The following AHRR variants were observed in gnomAD, a reference collection of about 807,000 sequenced individuals.
AHRR encodes the protein aryl hydrocarbon receptor repressor.
A neutral mutation model predicts 44.0 loss-of-function variants in AHRR; 28 were observed. The observed-to-expected ratio is 0.64, with a 90% confidence interval of 0.47 to 0.87. AHRR has a LOEUF of 0.87. AHRR is among the 40% of genes least tolerant of loss of function. The pLI is 0.00. For missense variants in AHRR, 990 were observed against 953.9 expected (o/e 1.04, Z -0.50); for synonymous variants, 434 against 407.0 (o/e 1.07, Z -0.80).
At chr5:340,381 G>A (rs980408613) in intron 1 of AHRR, among the ~76,000 whole-genome samples, 1 of 151,776 alleles carries the variant, frequency 6.6e-6, no homozygotes, top group East Asian at 1.9e-4. Flanking sequence ...TGTTCTGGAG[G>A]CTGGGAAGTC....
chr5:343,759 G>C (rs2126362537), intron 1 of AHRR, 134 bp from the exon 2 acceptor site: 1 of 812,312 alleles, frequency 1.2e-6, no homozygotes, highest in African/African-American at 1.8e-5. Flanking sequence ...CCCACGAGGA[G>C]GAGCAGGAGG....
intron 5 of AHRR, chr5:421,258 G>C: frequency 1.4e-6 from 1 of 697,864 alleles, no homozygotes; most frequent in East Asian, 2.7e-5. Flanking sequence ...CCACGGAGCG[G>C]ATGCCGTGTG....
At chr5:424,511 G>T (rs2126536547) in intron 7 of AHRR, among the ~76,000 whole-genome samples, 1 of 152,276 alleles carries the variant, frequency 6.6e-6, no homozygotes, top group African/African-American at 2.4e-5. Flanking sequence ...CGGCGATGGT[G>T]TGGGGCTGTG....
intron 2 of AHRR, among the ~76,000 whole-genome samples, chr5:347,854 C>G (rs1269052787): frequency 6.6e-6 from 1 of 152,190 alleles, no homozygotes; most frequent in African/African-American, 2.4e-5. Context: ...GGTGGGGGCC[C>G]CCTCCGCTCT....
chr5:424,385 C>T (rs142960535), intron 7 of AHRR, among the ~76,000 whole-genome samples: 2,254 of 58,034 alleles, frequency 0.039, 3 homozygotes, highest in Non-Finnish European at 0.064. Context: ...CCCATGTGTC[C>T]CTGGTGGGGG....
At chr5:393,206 C>A (rs1036559886) in intron 4 of AHRR, among the ~76,000 whole-genome samples, 2 of 152,252 alleles carry the variant, frequency 1.3e-5, no homozygotes, top group Non-Finnish European at 2.9e-5. Context: ...GATGTTCCCC[C>A]AGCAGGGCCT....
chr5:368,888 C>T (rs1304150074), intron 3 of AHRR, among the ~76,000 whole-genome samples: 2 of 152,244 alleles, frequency 1.3e-5, no homozygotes, highest in African/African-American at 2.4e-5. Context: ...ATCTCTGAAG[C>T]TCTCTGGTGC....
At chr5:347,723 G>T (rs1742724721) in intron 2 of AHRR, among the ~76,000 whole-genome samples, 1 of 152,206 alleles carries the variant, frequency 6.6e-6, no homozygotes, top group South Asian at 2.1e-4. Flanking sequence ...TTTCTCCATG[G>T]AGGGGCTGCT....
intron 3 of AHRR, among the ~76,000 whole-genome samples, chr5:364,782 A>G (rs1301069433): frequency 6.6e-6 from 1 of 152,138 alleles, no homozygotes; most frequent in Non-Finnish European, 1.5e-5. Flanking sequence ...TACAGAAAGG[A>G]TGAAAGTAAA....
In AHRR at chr5:342,166, A is replaced by G. The variant is rs1461636721; in HGVS notation, c.-10-1727A>G. ...AAACCAGATACTCTTCGGTTGTTGG[A>G]TGGAGTGTTTTATAAATTTCCATTA... On this transcript the variant is annotated intron_variant, in intron 1 of 10. Transcript: ENST00000684583. This position sits in a 1 kb window ranked among gnomAD's most constrained non-coding sequence, Gnocchi z 4.3. Among the ~76,000 whole-genome samples, 2 of 152,194 alleles carry G rather than the reference A, an allele frequency of 1.3e-5. No homozygotes were observed. Among genetic ancestry groups the G allele is most frequent in the African/African-American group, 4.8e-5 (2 of 41,436 alleles).
chr5:431,036 C>T (rs1203842021), intron 8 of AHRR, among the ~76,000 whole-genome samples: 1 of 152,216 alleles, frequency 6.6e-6, no homozygotes. Flanking sequence ...GAACACTGTC[C>T]TCCGCTTACC....
At chr5:335,234 T>C (rs1368075317) in intron 1 of AHRR, among the ~76,000 whole-genome samples, 1 of 152,114 alleles carries the variant, frequency 6.6e-6, no homozygotes, top group Non-Finnish European at 1.5e-5. Flanking sequence ...TGAGCAGGCT[T>C]CCTAGTTTTT....
chr5:343,212 A>G (rs1447271533), intron 1 of AHRR, among the ~76,000 whole-genome samples: 2 of 150,726 alleles, frequency 1.3e-5, no homozygotes, highest in Non-Finnish European at 2.9e-5. Context: ...GTACCCTCTC[A>G]GAGGTGACAG....
intron 3 of AHRR, 116 bp from the exon 4 acceptor site, chr5:376,494 A>C: frequency 4.4e-5 from 2 of 45,044 alleles, no homozygotes; most frequent in South Asian, 1.7e-4. Flanking sequence ...AGCCCAGGCC[A>C]GATGTCAGGT....
intron 1 of AHRR, among the ~76,000 whole-genome samples, chr5:325,247 T>C (rs1349499652): frequency 6.6e-6 from 1 of 152,194 alleles, no homozygotes; most frequent in Non-Finnish European, 1.5e-5. Context: ...CGAGGGTTGG[T>C]CAGGCTGGTG....
chr5:434,339 C>G lies in AHRR; in HGVS notation c.1599C>G (p.Ile533Met), dbSNP rs1454519413. The G allele has an allele frequency of 6.2e-7, 1 of 1,612,734 alleles. No homozygotes were observed. The highest frequency in any genetic ancestry group is 8.5e-7 in the Non-Finnish European group (1 of 1,179,492). Residue 533 changes from isoleucine to methionine, a missense_variant, in exon 11 of 11, where the codon ATC becomes ATG. Physicochemically the swap from Ile to Met is conservative, Grantham distance 10. Coordinates refer to ENST00000684583, the MANE Select transcript of AHRR (RefSeq NM_001377236.1). ...CGACGCTGCTGCTAGATGTGTCCAT[C>G]AAGATGGAGAAGGACTCTGGGTGTG... ...CGPTLLLDVS[I>M]KMEKDSGCEG...
At chr5:352,905 G>A (rs1260126558) in intron 2 of AHRR, among the ~76,000 whole-genome samples, 2 of 151,624 alleles carry the variant, frequency 1.3e-5, no homozygotes, top group Non-Finnish European at 2.9e-5. Context: ...TGGGTCAGCC[G>A]TAGGGGACGG....
intron 1 of AHRR, among the ~76,000 whole-genome samples, chr5:334,208 G>C (rs191077109): frequency 1.3e-5 from 2 of 152,164 alleles, no homozygotes; most frequent in Admixed American, 1.3e-4. Context: ...TTTTTTGCAC[G>C]ATGTTTTCCT....
chr5:409,237 T>G (rs1457946621), intron 4 of AHRR, among the ~76,000 whole-genome samples: 1 of 152,244 alleles, frequency 6.6e-6, no homozygotes, highest in Non-Finnish European at 1.5e-5. Context: ...ATTATCCGAT[T>G]GATAGTTATT....
Sources: gnomAD v4.1 joint callset for allele counts (sites outside exome capture counted in the v4.1 genomes callset) on GRCh38, gnomAD v4.1.1 for gene constraint, Gnocchi (gnomAD v3.1) non-coding constraint, MANE v1.5 for transcripts, NCBI Gene and HGNC (gene_info 2026-07-23, HGNC 2026-07-21) for gene names.